The following NAALADL2 variants were observed in gnomAD, a reference collection of about 807,000 sequenced individuals.
NAALADL2 encodes the protein N-acetylated alpha-linked acidic dipeptidase like 2.
A neutral mutation model predicts 87.2 loss-of-function variants in NAALADL2; 76 were observed. That is an observed-to-expected ratio of 0.87 (90% CI 0.72 to 1.05). The LOEUF is 1.05. Among genes scored for constraint, NAALADL2 ranks in the 50% least tolerant of loss-of-function variants. The probability of loss-of-function intolerance (pLI) is 0.00; values close to 1 mark genes in which losing one functional copy is unlikely to be tolerated. For synonymous variants in NAALADL2, 354 were observed against 331.0 expected, an observed-to-expected ratio of 1.07 and a Z score of -0.75; for missense variants, 1,089 against 945.8, an observed-to-expected ratio of 1.15 and a Z score of -1.99.
chr3:174,518,660 C>T (rs1003770066), intron 1 of NAALADL2, among the ~76,000 whole-genome samples: 3 of 152,108 alleles, frequency 2.0e-5, no homozygotes, highest in African/African-American at 7.2e-5. Flanking sequence ...TGCCATTCCT[C>T]TTTATATTCC....
In NAALADL2 at chr3:175,809,933, A is replaced by T. The variant is rs1027856681; in HGVS notation, c.*6730A>T. 1.1e-4 allele frequency: 17 copies of T among 151,940 alleles called. No homozygotes were observed. Among genetic ancestry groups the T allele is most frequent in the Admixed American group, 2.0e-4 (3 of 15,226 alleles). 9.4% of individuals were successfully genotyped at this position (151,940 alleles called of 1,614,324 possible). A position where few individuals can be genotyped will look rare whatever the true frequency, so the allele number is the denominator to read the frequency against. ...TAACCCAGGGTAAAATTTGGAGGAA[A>T]ATTTTTCCAAATAAATTTGCTTTGA... On this transcript the variant is annotated 3_prime_UTR_variant, in exon 14 of 14. Transcript: ENST00000454872.
In NAALADL2 at chr3:175,588,534, C is replaced by CTTTTTTTTT. The variant is rs1168817019; in HGVS notation, c.1800+12361_1800+12369dup. ...TTAGGAGACTTTCTTTCTTTCTTTT[C>CTTTTTTTTT]TTTTTTTTTTTTTTTTTTTTTTGAG... On this transcript the variant is annotated intron_variant, in intron 10 of 13. Transcript: ENST00000454872. 5.4e-3 allele frequency among the ~76,000 whole-genome samples: 422 copies of CTTTTTTTTT among 78,090 alleles called. 12 individuals are homozygous for CTTTTTTTTT. The highest frequency in any genetic ancestry group is 7.9e-3 in the African/African-American group (152 of 19,288). 51.2% of individuals were successfully genotyped at this position (78,090 alleles called of 152,430 possible).
intron 2 of NAALADL2, among the ~76,000 whole-genome samples, chr3:174,717,373 A>G (rs189256945): frequency 6.6e-6 from 1 of 152,324 alleles, no homozygotes; most frequent in Admixed American, 6.5e-5. Flanking sequence ...AAGTGTGAAA[A>G]TAATGCTGTG....
chr3:175,698,425 G>GTATGTGTATA (rs1329069563), intron 11 of NAALADL2, among the ~76,000 whole-genome samples: 954 of 85,416 alleles, frequency 0.011, 276 homozygotes, highest in African/African-American at 0.059. Context: ...GTATACATAT[G>GTATGTGTATA]TATGTGTATA....
At chr3:175,756,885 C>T (rs1225317714) in intron 13 of NAALADL2, among the ~76,000 whole-genome samples, 2 of 151,582 alleles carry the variant, frequency 1.3e-5, no homozygotes, top group Non-Finnish European at 2.9e-5. Context: ...CATACAAATA[C>T]ATACTTTTCT....
At chr3:175,597,225 T>A (rs1003078903) in intron 10 of NAALADL2, among the ~76,000 whole-genome samples, 1 of 152,020 alleles carries the variant, frequency 6.6e-6, no homozygotes, top group African/African-American at 2.4e-5. Flanking sequence ...AACAATTCAG[T>A]CATTTTTCCT....
intron 1 of NAALADL2, among the ~76,000 whole-genome samples, chr3:175,088,701 G>C (rs193090857): frequency 1.5e-3 from 234 of 152,050 alleles, no homozygotes; most frequent in African/African-American, 5.4e-3. Flanking sequence ...TCAACTCTCT[G>C]TTCTTGGAAA....
intron 9 of NAALADL2, among the ~76,000 whole-genome samples, chr3:175,530,188 C>G (rs570848234): frequency 1.3e-5 from 2 of 152,186 alleles, no homozygotes; most frequent in East Asian, 3.9e-4. Context: ...ACAGGTCATC[C>G]TATCCACTCG....
At chr3:174,613,748 C>G (rs1410335701) in intron 2 of NAALADL2, among the ~76,000 whole-genome samples, 4 of 152,154 alleles carry the variant, frequency 2.6e-5, no homozygotes, top group African/African-American at 4.8e-5. Flanking sequence ...GAATCAGGGC[C>G]CAAGAGTCCA....
chr3:175,705,749 C>T (rs1739598690), intron 11 of NAALADL2, among the ~76,000 whole-genome samples: 1 of 152,060 alleles, frequency 6.6e-6, no homozygotes, highest in African/African-American at 2.4e-5. Context: ...CTGCCTTGTC[C>T]AGTCATGCAG....
intron 4 of NAALADL2, among the ~76,000 whole-genome samples, chr3:175,318,803 G>T (rs142623896): frequency 4.0e-5 from 6 of 151,884 alleles, no homozygotes; most frequent in Non-Finnish European, 8.8e-5. Context: ...CTCCCCAACC[G>T]CTCTCTAGCA....
intron 5 of NAALADL2, among the ~76,000 whole-genome samples, chr3:175,387,903 AC>A (rs1333050883): frequency 6.6e-6 from 1 of 152,114 alleles, no homozygotes; most frequent in African/African-American, 2.4e-5. Flanking sequence ...TTACCATTTT[AC>A]ATTTGAAGAT....
At chr3:175,103,041 G>A (rs1040192099) in intron 2 of NAALADL2, among the ~76,000 whole-genome samples, 11 of 148,930 alleles carry the variant, frequency 7.4e-5, no homozygotes, top group South Asian at 4.2e-4. Context: ...CCCAGGAGGC[G>A]GAGGTTGCAG....
Position 174,697,893 on chromosome 3 carries a change from C to T in NAALADL2, c.-114-39748C>T, listed in dbSNP as rs112943357. Reference sequence around the variant, plus strand: ...GATCACGAAGTCAGGAGATTGAGACCATCCTGGCCAATGTGGTGAAACCCG... The same window carrying T: ...GATCACGAAGTCAGGAGATTGAGACTATCCTGGCCAATGTGGTGAAACCCG... On this transcript the variant is annotated intron_variant, in intron 2 of 3. Transcript: ENST00000434257. 2.2e-3 allele frequency among the ~76,000 whole-genome samples: 334 copies of T among 152,050 alleles called. 4 individuals carry two copies. Among genetic ancestry groups the T allele is most frequent in the African/African-American group, 7.7e-3 (319 of 41,470 alleles).
chr3:175,162,838 T>TATTATTTAAATATTTTGAATCA (rs1454029144), intron 2 of NAALADL2, among the ~76,000 whole-genome samples: 1 of 152,164 alleles, frequency 6.6e-6, no homozygotes, highest in Non-Finnish European at 1.5e-5. Context: ...GATACCTGTG[T>TATTATTTAAATATTTTGAATCA]ATTATTTAAA....
At chr3:174,845,283 A>G (rs981800484) in intron 3 of NAALADL2, among the ~76,000 whole-genome samples, 11 of 151,918 alleles carry the variant, frequency 7.2e-5, no homozygotes, top group African/African-American at 1.9e-4. Flanking sequence ...AGGATTTTCT[A>G]TGTTCAGGTG....
intron 11 of NAALADL2, among the ~76,000 whole-genome samples, chr3:175,730,018 A>G (rs1338877544): frequency 1.3e-5 from 2 of 152,084 alleles, no homozygotes; most frequent in Non-Finnish European, 2.9e-5. Flanking sequence ...CACAATGCTC[A>G]ACCATGCTTG....
chr3:175,508,479 A>G (rs1730661513), intron 9 of NAALADL2, among the ~76,000 whole-genome samples: 1 of 152,138 alleles, frequency 6.6e-6, no homozygotes, highest in Non-Finnish European at 1.5e-5. Context: ...TTATCCATTT[A>G]CTTAATTTAA....
chr3:175,728,295 C>T (rs1743211606), intron 11 of NAALADL2, among the ~76,000 whole-genome samples: 1 of 152,016 alleles, frequency 6.6e-6, no homozygotes, highest in South Asian at 2.1e-4. Flanking sequence ...GTGGAGTATT[C>T]CAAATGAAAG....
Sources: gnomAD v4.1 joint callset for allele counts (sites outside exome capture counted in the v4.1 genomes callset) on GRCh38, gnomAD v4.1.1 for gene constraint, MANE v1.5 for transcripts, NCBI Gene and HGNC (gene_info 2026-07-23, HGNC 2026-07-21) for gene names.